Variants in PREX1 observed in about 807,000 individuals in gnomAD.
The protein encoded by PREX1 is phosphatidylinositol-3,4,5-trisphosphate dependent Rac exchange factor 1, also known as phosphatidylinositol 3,4,5-trisphosphate-dependent Rac exchanger 1 protein.
PREX1 carries 41 observed loss-of-function variants against 198.3 expected under a neutral mutation model. That is an observed-to-expected ratio of 0.21 (90% CI 0.16 to 0.27). PREX1 has a LOEUF of 0.27. PREX1 is among the 10% of genes least tolerant of loss of function. The probability of loss-of-function intolerance (pLI) is 1.00; values close to 1 mark genes in which losing one functional copy is unlikely to be tolerated. For missense variants in PREX1, 1,620 were observed against 2,200.7 expected (o/e 0.74, Z 5.28); for synonymous variants, 843 against 887.2 (o/e 0.95, Z 0.89).
At chr20:48,730,380 C>T (rs1350636924) in intron 4 of PREX1, among the ~76,000 whole-genome samples, 4 of 151,182 alleles carry the variant, frequency 2.6e-5, no homozygotes, top group East Asian at 3.9e-4. Flanking sequence ...TCCCACAGAG[C>T]GATCCTACAG....
intron 6 of PREX1, among the ~76,000 whole-genome samples, chr20:48,706,059 A>G (rs1313176588): frequency 6.6e-6 from 1 of 152,206 alleles, no homozygotes; most frequent in African/African-American, 2.4e-5. Flanking sequence ...AACTGCCAAC[A>G]ATTCTTATTT....
chr20:48,702,756 T>C (rs1025850527), intron 6 of PREX1, among the ~76,000 whole-genome samples: 2 of 152,206 alleles, frequency 1.3e-5, no homozygotes, highest in Admixed American at 6.5e-5. Context: ...GAGAACAGCG[T>C]TGCAACGCTA....
rs191360166 is a variant in PREX1, at chr20:48,710,416, C to A, written c.622-1995G>T. ...CTATTACTACTACCAACAGTAACAA[C>A]AGCTAATACTCAGCAAGCCCTCAAG... On this transcript the variant is annotated intron_variant, in intron 5 of 39. Transcript: ENST00000371941. Among the ~76,000 whole-genome samples, 241 of 152,294 alleles carry A rather than the reference C, an allele frequency of 1.6e-3. 1 individual carries two copies. Among genetic ancestry groups the A allele is most frequent in the African/African-American group, 5.2e-3 (216 of 41,554 alleles).
intron 2 of PREX1, among the ~76,000 whole-genome samples, chr20:48,745,409 C>G (rs2090103161): frequency 6.6e-6 from 1 of 152,172 alleles, no homozygotes; most frequent in African/African-American, 2.4e-5. Flanking sequence ...CACTGTAAAT[C>G]TGTGAGATAG....
chr20:48,707,556 C>T (rs1568833505), intron 6 of PREX1, among the ~76,000 whole-genome samples: 1 of 152,234 alleles, frequency 6.6e-6, no homozygotes, highest in Non-Finnish European at 1.5e-5. Flanking sequence ...ATTCACGTAA[C>T]AATCTCTGCC....
chr20:48,712,902 G>A (rs1416651801), intron 5 of PREX1, among the ~76,000 whole-genome samples: 1 of 152,200 alleles, frequency 6.6e-6, no homozygotes, highest in Non-Finnish European at 1.5e-5. Context: ...CAGGCAGGCA[G>A]ATCACGAGGT....
chr20:48,652,448 A>G, intron 21 of PREX1, 138 bp downstream of exon 21: 1 of 1,104,838 alleles, frequency 9.1e-7, no homozygotes, highest in South Asian at 1.8e-5. Context: ...TCCAAAAAGG[A>G]AAAAAAAAAC....
At chr20:48,641,998 C>CA (rs1445948955) in intron 29 of PREX1, 170 bp downstream of exon 29, 1 of 624,760 alleles carries the variant, frequency 1.6e-6, no homozygotes, top group Non-Finnish European at 2.8e-6. Flanking sequence ...TCAGAGCCTA[C>CA]AAAAACAGGT....
At chr20:48,797,412 T>A (rs1488938356) in intron 1 of PREX1, among the ~76,000 whole-genome samples, 1 of 120,434 alleles carries the variant, frequency 8.3e-6, no homozygotes, top group Non-Finnish European at 1.6e-5. Flanking sequence ...TCCAGCCCCC[T>A]CCTCTCAGGA....
chr20:48,712,326 A>C (rs987651497), intron 5 of PREX1, among the ~76,000 whole-genome samples: 1 of 152,188 alleles, frequency 6.6e-6, no homozygotes, highest in African/African-American at 2.4e-5. Flanking sequence ...TCCAGAGCTC[A>C]CATTTCTGAA....
At chr20:48,644,370 C>T (rs773517988) in intron 27 of PREX1, 39 bp downstream of exon 27, 10 of 1,513,424 alleles carry the variant, frequency 6.6e-6, no homozygotes, top group African/African-American at 5.5e-5. Context: ...TGGGGAGGAG[C>T]CTCTCTCCCT....
chr20:48,781,597 C>T lies in PREX1; in HGVS notation c.220-33717G>A, dbSNP rs571928137. 9.2e-5 allele frequency among the ~76,000 whole-genome samples: 14 copies of T among 152,184 alleles called. No homozygotes were observed. The South Asian group carries it at 2.9e-3, about 32-fold the overall frequency. On this transcript the variant is annotated intron_variant, in intron 1 of 39. Transcript: ENST00000371941. ...GAGAAGAGTCCCCAAGTCAGACACC[C>T]CCTGCCTCATCCCCCTAATTTGTTT...
Position 48,692,086 on chromosome 20 carries a change from C to T in PREX1, c.1036+586G>A, listed in dbSNP as rs142945394. On this transcript the variant is annotated intron_variant, in intron 8 of 39. Coordinates refer to ENST00000371941, the MANE Select transcript of PREX1 (RefSeq NM_020820.4). ...TGTATTTTTTGTAGAGACAGGTTTT[C>T]TCCATGTTGCCCAGGCTGGTCTCAA... Among the ~76,000 whole-genome samples the T allele has an allele frequency of 4.5e-4, 68 of 152,274 alleles. 1 individual carries two copies. Among genetic ancestry groups the T allele is most frequent in the African/African-American group, 1.6e-3 (67 of 41,558 alleles).
At chr20:48,814,294 T>G (rs1405399466) in intron 1 of PREX1, among the ~76,000 whole-genome samples, 1 of 152,246 alleles carries the variant, frequency 6.6e-6, no homozygotes, top group Non-Finnish European at 1.5e-5. Flanking sequence ...TGTGACCTCA[T>G]GCAACTTACA....
At chr20:48,790,074 T>C (rs930782832) in intron 1 of PREX1, among the ~76,000 whole-genome samples, 2 of 152,218 alleles carry the variant, frequency 1.3e-5, no homozygotes, top group Admixed American at 1.3e-4. Flanking sequence ...TGCTGGTTCA[T>C]GACTTGGCTC....
intron 7 of PREX1, among the ~76,000 whole-genome samples, chr20:48,696,622 TA>T (rs2089847566): frequency 6.6e-6 from 1 of 151,392 alleles, no homozygotes; most frequent in African/African-American, 2.4e-5. Flanking sequence ...CATACATACA[TA>T]CATACATACA....
At chr20:48,673,328 T>C (rs569090265) in intron 14 of PREX1, among the ~76,000 whole-genome samples, 84 of 152,346 alleles carry the variant, frequency 5.5e-4, no homozygotes, top group African/African-American at 1.9e-3. Flanking sequence ...TCATCCTTGA[T>C]TCCCAGCCAT....
At chr20:48,848,921 G>A in the PREX1 span, among the ~76,000 whole-genome samples, 1 of 151,958 alleles carries the variant, frequency 6.6e-6, no homozygotes, top group Non-Finnish European at 1.5e-5. Context: ...GTTTTTAGTA[G>A]AGACGGGGGT....
At chr20:48,645,024 C>G (rs984466463) in intron 26 of PREX1, among the ~76,000 whole-genome samples, 5 of 152,214 alleles carry the variant, frequency 3.3e-5, no homozygotes, top group African/African-American at 1.2e-4. Flanking sequence ...AGAATGAAAT[C>G]CCAGAGAGAG....
Sources: gnomAD v4.1 joint callset for allele counts (sites outside exome capture counted in the v4.1 genomes callset) on GRCh38, gnomAD v4.1.1 for gene constraint, MANE v1.5 for transcripts, NCBI Gene and HGNC (gene_info 2026-07-23, HGNC 2026-07-21) for gene names.